NEGR1: variants seen among roughly 807,000 people sequenced by gnomAD.
NEGR1 encodes the protein neuronal growth regulator 1.
NEGR1 carries 10 observed loss-of-function variants against 40.9 expected under a neutral mutation model. That is an observed-to-expected ratio of 0.24 (90% CI 0.15 to 0.42). NEGR1 has a LOEUF of 0.42. Ranked by LOEUF, NEGR1 falls within the 10% of genes least tolerant of loss-of-function variation. The pLI is 1.00. For synonymous variants in NEGR1, 185 were observed against 166.8 expected, an observed-to-expected ratio of 1.11 and a Z score of -0.84; for missense variants, 352 against 438.9, an observed-to-expected ratio of 0.80 and a Z score of 1.77.
At chr1:71,502,596 G>A (rs984880965) in intron 6 of NEGR1, among the ~76,000 whole-genome samples, 3 of 152,240 alleles carry the variant, frequency 2.0e-5, no homozygotes, top group East Asian at 3.9e-4. Flanking sequence ...GGGGAGATGC[G>A]TCCCACCTGA....
At chr1:71,761,117 A>G (rs1217048978) in intron 3 of NEGR1, among the ~76,000 whole-genome samples, 2 of 152,172 alleles carry the variant, frequency 1.3e-5, no homozygotes, top group East Asian at 1.9e-4. Context: ...CTAAATCTAT[A>G]TATCTCAGCT....
chr1:72,083,911 A>G (rs1336603432), intron 1 of NEGR1, among the ~76,000 whole-genome samples: 2 of 152,144 alleles, frequency 1.3e-5, no homozygotes, highest in African/African-American at 4.8e-5. Context: ...ACCAAAGAGC[A>G]TAGTCTTGAG....
chr1:71,494,820 A>G (rs973416407), intron 6 of NEGR1, among the ~76,000 whole-genome samples: 9 of 151,942 alleles, frequency 5.9e-5, no homozygotes, highest in African/African-American at 2.2e-4. Flanking sequence ...AAATATCTAT[A>G]TATTGACTGT....
intron 2 of NEGR1, among the ~76,000 whole-genome samples, chr1:71,880,169 A>G (rs2101842080): frequency 6.6e-6 from 1 of 152,200 alleles, no homozygotes; most frequent in East Asian, 1.9e-4. Flanking sequence ...TGCCCCAGGC[A>G]TCATGGTGGA....
At chr1:71,851,275 G>C (rs997147810) in intron 2 of NEGR1, among the ~76,000 whole-genome samples, 5 of 152,180 alleles carry the variant, frequency 3.3e-5, no homozygotes, top group African/African-American at 1.2e-4. Context: ...CTAACCAGAT[G>C]ATTTTTTTCT....
chr1:72,261,233 T>G (rs1004297053), intron 1 of NEGR1, among the ~76,000 whole-genome samples: 6 of 152,210 alleles, frequency 3.9e-5, no homozygotes, highest in African/African-American at 1.4e-4. Flanking sequence ...TTTCACATAT[T>G]TACATTTATT....
intron 4 of NEGR1, among the ~76,000 whole-genome samples, chr1:71,646,969 T>C (rs1651551995): frequency 6.6e-6 from 1 of 151,938 alleles, no homozygotes; most frequent in African/African-American, 2.4e-5. Context: ...TAGTGAACTA[T>C]GGATATGGTA....
chr1:71,776,403 T>C, intron 2 of NEGR1, 106 bp from the exon 3 acceptor site: 1 of 582,786 alleles, frequency 1.7e-6, no homozygotes, highest in South Asian at 3.3e-5. Flanking sequence ...GAGGGTGAAA[T>C]GTATATATGG....
chr1:71,894,226 A>C (rs1450471759), intron 2 of NEGR1, among the ~76,000 whole-genome samples: 2 of 148,844 alleles, frequency 1.3e-5, no homozygotes, highest in Non-Finnish European at 1.5e-5. Flanking sequence ...GTATAATAAT[A>C]ATAATAAAAA....
At chr1:71,851,961 C>A (rs1324602642) in intron 2 of NEGR1, among the ~76,000 whole-genome samples, 1 of 152,006 alleles carries the variant, frequency 6.6e-6, no homozygotes, top group Non-Finnish European at 1.5e-5. Context: ...AGATGTATAT[C>A]CTATTTACAT....
chr1:72,087,355 C>T (rs946664971), intron 1 of NEGR1, among the ~76,000 whole-genome samples: 2 of 151,828 alleles, frequency 1.3e-5, no homozygotes, highest in Non-Finnish European at 2.9e-5. Flanking sequence ...CGCTTGAACC[C>T]GGGAGGCGGA....
chr1:71,633,928 C>T (rs1490224887), intron 4 of NEGR1, among the ~76,000 whole-genome samples: 1 of 152,034 alleles, frequency 6.6e-6, no homozygotes, highest in African/African-American at 2.4e-5. Flanking sequence ...CTGAGTATTA[C>T]AATCTGGTGC....
chr1:72,113,286 TTTA>T (rs1186837455), intron 1 of NEGR1, among the ~76,000 whole-genome samples: 1 of 151,686 alleles, frequency 6.6e-6, no homozygotes. Flanking sequence ...AAAAACTGGC[TTTA>T]TTGACAACCC....
chr1:71,547,928 C>T (rs577102002), intron 6 of NEGR1, among the ~76,000 whole-genome samples: 4 of 151,840 alleles, frequency 2.6e-5, no homozygotes, highest in South Asian at 2.1e-4. Flanking sequence ...CTGCCCACCA[C>T]GTCTGATCAG....
chr1:72,047,389 C>T (rs944876745), intron 1 of NEGR1, among the ~76,000 whole-genome samples: 2 of 151,426 alleles, frequency 1.3e-5, no homozygotes, highest in Admixed American at 1.3e-4. Context: ...TAATGAGTAA[C>T]TATGCTAGAC....
rs183433997 is a variant in NEGR1, at chr1:71,725,916, A to G, written c.536-27777T>C. 1.2e-3 allele frequency among the ~76,000 whole-genome samples: 182 copies of G among 152,240 alleles called. 1 individual carries two copies. Among genetic ancestry groups the G allele is most frequent in the Non-Finnish European group, 2.6e-4 (18 of 67,996 alleles). On this transcript the variant is annotated intron_variant, in intron 3 of 6. Transcript: ENST00000357731. ...CTGCTCAGCATCTCTCTACTTCTAC[A>G]TAAGTGACATTTGTTTTTGTGTCTC... is the stretch of plus-strand genomic sequence containing the variant.
intron 1 of NEGR1, among the ~76,000 whole-genome samples, chr1:72,119,690 T>C (rs1350136964): frequency 6.6e-6 from 1 of 151,968 alleles, no homozygotes; most frequent in Non-Finnish European, 1.5e-5. Flanking sequence ...GAGATATTTT[T>C]AGTTGCCACA....
At chr1:71,928,099 T>C (rs545115384) in intron 2 of NEGR1, among the ~76,000 whole-genome samples, 4 of 119,356 alleles carry the variant, frequency 3.4e-5, no homozygotes, top group African/African-American at 3.5e-5. Flanking sequence ...TATACACACA[T>C]ATGTATATAT....
intron 1 of NEGR1, among the ~76,000 whole-genome samples, chr1:71,946,860 T>G (rs1646024404): frequency 6.6e-6 from 1 of 151,864 alleles, no homozygotes; most frequent in South Asian, 2.1e-4. Context: ...AAGGCTGAGC[T>G]TGAGCTCAGG....
Sources: gnomAD v4.1 joint callset for allele counts (sites outside exome capture counted in the v4.1 genomes callset) on GRCh38, gnomAD v4.1.1 for gene constraint, MANE v1.5 for transcripts, NCBI Gene and HGNC (gene_info 2026-07-23, HGNC 2026-07-21) for gene names.